The following CCDC91 variants were observed in gnomAD, a reference collection of about 807,000 sequenced individuals.
CCDC91 encodes the protein coiled-coil domain-containing protein 91.
Under a neutral mutation model 63.2 loss-of-function variants are expected in CCDC91, and 48 were observed. The observed-to-expected ratio is 0.76, with a 90% CI of 0.60 to 0.97. CCDC91 has a LOEUF of 0.97. CCDC91 is among the 50% of genes least tolerant of loss of function. CCDC91 has a pLI of 0.00. For synonymous variants in CCDC91, 167 were observed against 165.8 expected, an observed-to-expected ratio of 1.01 and a Z score of -0.06; for missense variants, 500 against 494.6, an observed-to-expected ratio of 1.01 and a Z score of -0.10.
chr12:28,268,392 C>T (rs1458098539), intron 3 of CCDC91, among the ~76,000 whole-genome samples: 2 of 152,100 alleles, frequency 1.3e-5, no homozygotes, highest in African/African-American at 2.4e-5. Context: ...GAACACCATA[C>T]ACCTGGAAAA....
intron 8 of CCDC91, among the ~76,000 whole-genome samples, chr12:28,412,304 T>A (rs1947365895): frequency 6.6e-6 from 1 of 152,196 alleles, no homozygotes; most frequent in Non-Finnish European, 1.5e-5. Context: ...CCAAATATTA[T>A]TATTGTTACT....
intron 12 of CCDC91, among the ~76,000 whole-genome samples, chr12:28,502,831 G>T (rs1693804470): frequency 6.8e-6 from 1 of 145,998 alleles, no homozygotes; most frequent in African/African-American, 2.5e-5. Flanking sequence ...AAGCAATGGG[G>T]AAAGGATTCC....
intron 12 of CCDC91, among the ~76,000 whole-genome samples, chr12:28,500,911 T>C (rs920948336): frequency 3.7e-4 from 56 of 151,720 alleles, no homozygotes; most frequent in Non-Finnish European, 7.4e-4. Flanking sequence ...GGCAAATCTT[T>C]CATTTCAAAT....
intron 12 of CCDC91, among the ~76,000 whole-genome samples, chr12:28,511,895 A>G (rs1351256594): frequency 6.6e-6 from 1 of 151,846 alleles, no homozygotes; most frequent in Non-Finnish European, 1.5e-5. Context: ...GAAAATAATA[A>G]AAGGCTCTCA....
intron 3 of CCDC91, among the ~76,000 whole-genome samples, chr12:28,280,506 G>A (rs1457033364): frequency 6.6e-6 from 1 of 152,000 alleles, no homozygotes; most frequent in Non-Finnish European, 1.5e-5. Flanking sequence ...TGTCATTTCT[G>A]TTGAATGAGT....
At chr12:28,259,056 A>G (rs1799666157) in intron 2 of CCDC91, among the ~76,000 whole-genome samples, 1 of 152,012 alleles carries the variant, frequency 6.6e-6, no homozygotes. Flanking sequence ...GTTAAGTTAA[A>G]ATACTTAAAT....
intron 8 of CCDC91, among the ~76,000 whole-genome samples, chr12:28,447,940 T>C (rs541363223): frequency 6.6e-6 from 1 of 152,062 alleles, no homozygotes; most frequent in Middle Eastern, 3.4e-3. Context: ...GGAAACATCT[T>C]ATTTTAATAA....
chr12:28,460,835 C>T (rs1422558914), intron 11 of CCDC91, among the ~76,000 whole-genome samples: 3 of 151,410 alleles, frequency 2.0e-5, no homozygotes, highest in African/African-American at 7.3e-5. Flanking sequence ...TTTAACTTAG[C>T]TGGAGAGGGA....
chr12:28,199,541 C>T (rs1942047949), intron 1 of CCDC91, among the ~76,000 whole-genome samples: 1 of 152,110 alleles, frequency 6.6e-6, no homozygotes, highest in Non-Finnish European at 1.5e-5. Context: ...TACCAGTGTT[C>T]TTAATTTCTT....
intron 7 of CCDC91, among the ~76,000 whole-genome samples, chr12:28,367,099 G>C (rs1944326022): frequency 1.3e-5 from 2 of 152,206 alleles, no homozygotes; most frequent in African/African-American, 4.8e-5. Context: ...AGAATATTTT[G>C]TCTTGAATGA....
chr12:28,398,836 T>C (rs1946447104), intron 8 of CCDC91, among the ~76,000 whole-genome samples: 1 of 152,224 alleles, frequency 6.6e-6, no homozygotes, highest in African/African-American at 2.4e-5. Flanking sequence ...GCTTATTTTA[T>C]TATGTTGTCT....
At chr12:28,307,053 C>G (rs777792891) in intron 5 of CCDC91, 108 bp downstream of exon 5, 3 of 751,906 alleles carry the variant, frequency 4.0e-6, no homozygotes, top group Non-Finnish European at 6.4e-6. Context: ...ACTTTTCTCC[C>G]TTGGTTGTAG....
intron 12 of CCDC91, among the ~76,000 whole-genome samples, chr12:28,530,178 A>G (rs1168784208): frequency 2.6e-5 from 4 of 152,174 alleles, no homozygotes; most frequent in African/African-American, 7.2e-5. Context: ...ATGACATTGC[A>G]TGACTTTGAG....
At chr12:28,277,955 G>A (rs755536082) in intron 3 of CCDC91, among the ~76,000 whole-genome samples, 29 of 151,768 alleles carry the variant, frequency 1.9e-4, no homozygotes, top group Non-Finnish European at 3.1e-4. Flanking sequence ...AAATTACTTT[G>A]TACCTCCCGG....
intron 7 of CCDC91, among the ~76,000 whole-genome samples, chr12:28,362,937 C>T (rs752899492): frequency 6.6e-6 from 1 of 152,020 alleles, no homozygotes; most frequent in Non-Finnish European, 1.5e-5. Context: ...TTAGCAATAA[C>T]AGAAATTATC....
At chr12:28,478,243 GGTAC>G (rs1566036777) in intron 11 of CCDC91, among the ~76,000 whole-genome samples, 1 of 152,074 alleles carries the variant, frequency 6.6e-6, no homozygotes, top group African/African-American at 2.4e-5. Flanking sequence ...AAAACAGCAT[GGTAC>G]TGTTACCAAA....
chr12:28,327,704 A>G (rs543072578), intron 6 of CCDC91, among the ~76,000 whole-genome samples: 28 of 152,140 alleles, frequency 1.8e-4, no homozygotes, highest in Non-Finnish European at 3.4e-4. Flanking sequence ...GCGTGAAACA[A>G]CGAACCTTGG....
chr12:28,313,811 A>G (rs1939570698), intron 6 of CCDC91, among the ~76,000 whole-genome samples: 1 of 152,046 alleles, frequency 6.6e-6, no homozygotes, highest in African/African-American at 2.4e-5. Flanking sequence ...AGAAATAGCT[A>G]TTTAAAGGAC....
chr12:28,275,076 A>C (rs1948101141), intron 3 of CCDC91, among the ~76,000 whole-genome samples: 1 of 152,176 alleles, frequency 6.6e-6, no homozygotes, highest in African/African-American at 2.4e-5. Context: ...AAGCAAGAGC[A>C]AACACATTCA....
Sources: gnomAD v4.1 joint callset for allele counts (sites outside exome capture counted in the v4.1 genomes callset) on GRCh38, gnomAD v4.1.1 for gene constraint, MANE v1.5 for transcripts, NCBI Gene and HGNC (gene_info 2026-07-23, HGNC 2026-07-21) for gene names.